The following DMD variants were observed in gnomAD, a reference collection of about 807,000 sequenced individuals.
DMD encodes mutant dystrophin.
A neutral mutation model predicts 330.1 loss-of-function variants in DMD; 63 were observed. The observed-to-expected ratio is 0.19, with a 90% CI of 0.16 to 0.24. The LOEUF (loss-of-function observed/expected upper bound fraction) is 0.24, where lower values mean the gene tolerates loss of function less well. Among genes scored for constraint, DMD ranks in the 10% least tolerant of loss-of-function variants. The probability of loss-of-function intolerance (pLI) is 1.00; values close to 1 mark genes in which losing one functional copy is unlikely to be tolerated. For missense variants in DMD, 3,344 were observed against 2,684.1 expected (o/e 1.25, Z -5.43); for synonymous variants, 1,223 against 959.8 (o/e 1.27, Z -5.07).
At chrX:32,900,372 C>T (rs2086128477) in intron 2 of DMD, among the ~76,000 whole-genome samples, 1 of 111,431 alleles carries the variant, frequency 9.0e-6, no homozygotes, top group Non-Finnish European at 1.9e-5. Flanking sequence ...GAAGGGCCCT[C>T]ACTCTGTTTC....
At chrX:32,789,459 A>C (rs2075654861) in intron 7 of DMD, among the ~76,000 whole-genome samples, 1 of 112,140 alleles carries the variant, frequency 8.9e-6, no homozygotes, top group Non-Finnish European at 1.9e-5. Context: ...ACTCTCACTT[A>C]CTGAGCTTCT....
At chrX:32,838,295 G>A (rs2079838515) in intron 4 of DMD, among the ~76,000 whole-genome samples, 1 of 110,793 alleles carries the variant, frequency 9.0e-6, no homozygotes, top group African/African-American at 3.3e-5. Flanking sequence ...TGGGGTACAT[G>A]TGCAGGTTTG....
chrX:32,747,939 A>C (rs2070272132), intron 7 of DMD, among the ~76,000 whole-genome samples: 1 of 112,248 alleles, frequency 8.9e-6, no homozygotes, highest in Admixed American at 9.5e-5. Flanking sequence ...ACTTTTAATA[A>C]TAGTAAAAAA....
At chrX:31,791,007 C>T (rs1156870809) in intron 50 of DMD, among the ~76,000 whole-genome samples, 2 of 111,805 alleles carry the variant, frequency 1.8e-5, no homozygotes, top group Non-Finnish European at 3.8e-5. Context: ...TAATGCATCA[C>T]TCCTTTGATT....
intron 1 of DMD, among the ~76,000 whole-genome samples, chrX:33,152,528 A>T (rs952471792): frequency 1.9e-5 from 2 of 106,773 alleles, no homozygotes; most frequent in Non-Finnish European, 2.0e-5. Flanking sequence ...CCACACACGG[A>T]GTTTGTGATT....
chrX:32,313,784 A>T (rs968259803), intron 41 of DMD, among the ~76,000 whole-genome samples: 28 of 111,371 alleles, frequency 2.5e-4, no homozygotes, highest in Middle Eastern at 4.6e-3. Context: ...TAATGAGAGA[A>T]CTCCCATTAA....
chrX:33,314,577 T>G (rs778167582), intron 1 of DMD, among the ~76,000 whole-genome samples: 8 of 99,780 alleles, frequency 8.0e-5, no homozygotes, highest in African/African-American at 3.0e-4. Flanking sequence ...TTTGTTTTTT[T>G]TTTTTTTTTT....
intron 57 of DMD, among the ~76,000 whole-genome samples, chrX:31,491,470 T>C (rs1287934199): frequency 8.9e-6 from 1 of 112,358 alleles, no homozygotes; most frequent in African/African-American, 3.2e-5. Flanking sequence ...AGGCAAGTAA[T>C]GAGGAACTGT....
intron 58 of DMD, 90 bp from the exon 59 acceptor site, chrX:31,478,464 G>A: frequency 8.7e-7 from 1 of 1,143,644 alleles, no homozygotes; most frequent in African/African-American, 1.8e-5. Flanking sequence ...AAAGAGTACA[G>A]TTGAACAAGA....
intron 44 of DMD, among the ~76,000 whole-genome samples, chrX:32,078,766 TC>T (rs2096371259): frequency 8.9e-6 from 1 of 111,951 alleles, no homozygotes; most frequent in Non-Finnish European, 1.9e-5. Context: ...CAAGTAAGAA[TC>T]AATATAAGCA....
At chrX:31,339,724 T>TGC (rs2057617025) in intron 61 of DMD, among the ~76,000 whole-genome samples, 1 of 111,421 alleles carries the variant, frequency 9.0e-6, no homozygotes, top group South Asian at 3.8e-4. Context: ...TACAGATGCA[T>TGC]GCCACCACGC....
At chrX:31,969,269 A>G (rs1233442322) in intron 44 of DMD, among the ~76,000 whole-genome samples, 3 of 111,923 alleles carry the variant, frequency 2.7e-5, no homozygotes, top group African/African-American at 9.7e-5. Flanking sequence ...AGAATATTAC[A>G]ACCAAGTACA....
intron 60 of DMD, among the ~76,000 whole-genome samples, chrX:31,350,628 TGTGTGAGAGAGAGAGA>T (rs1457060738): frequency 1.7e-4 from 9 of 52,684 alleles, no homozygotes; most frequent in African/African-American, 6.5e-4. Flanking sequence ...TGTGTGTGTG[TGTGTGAGAGAGAGAGA>T]GAGAGAGAGA....
In DMD at chrX:32,468,721, AT is replaced by A. The variant is rs766869811; in HGVS notation, c.2950-12del. 89 of 1,172,315 alleles carry A rather than the reference AT, an allele frequency of 7.6e-5. No individual in the cohort carries two copies. The East Asian group carries it at 1.8e-3, about 23-fold the overall frequency. The stretch of plus-strand genomic sequence containing the variant: ...AGAACTTTGTAAAGCCTAAAAAACA[AT>A]TTTTTAAATACATTTACCCTAATTG... On this transcript the variant is annotated splice_polypyrimidine_tract_variant and intron_variant, in intron 22 of 78. Coordinates refer to ENST00000357033, the MANE Select transcript of DMD (RefSeq NM_004006.3).
At chrX:31,178,158 G>A in intron 70 of DMD, 188 bp from the exon 71 acceptor site, 1 of 751,372 alleles carries the variant, frequency 1.3e-6, no homozygotes, top group African/African-American at 2.3e-5. Context: ...CAGAGTTAAG[G>A]CAAAAAAGAG....
At chrX:32,164,822 G>A (rs1451733306) in intron 44 of DMD, among the ~76,000 whole-genome samples, 3 of 110,690 alleles carry the variant, frequency 2.7e-5, no homozygotes, top group South Asian at 3.9e-4. Flanking sequence ...CACTGTGTGC[G>A]GCATCAGGAC....
intron 7 of DMD, among the ~76,000 whole-genome samples, chrX:32,730,892 G>A (rs147445664): frequency 0.016 from 1,772 of 111,688 alleles, 43 homozygotes; most frequent in African/African-American, 0.054. Flanking sequence ...TCAGAAATCT[G>A]ATTTGAGAGG....
intron 9 of DMD, among the ~76,000 whole-genome samples, chrX:32,688,912 T>C (rs1168691882): frequency 1.8e-5 from 2 of 110,413 alleles, no homozygotes; most frequent in Admixed American, 9.7e-5. Context: ...TTATCACTTA[T>C]ATGTCAAGAA....
rs918535867 is a variant in DMD at position 31,330,447 on chromosome X, T to A, written c.9164-6789A>T. ...ATGTATTTGATCCCACGATCACTGG[T>A]GACCTCAAAAGGGCAATTTCACACT... On this transcript the variant is annotated intron_variant, in intron 61 of 78. Coordinates refer to ENST00000357033, the MANE Select transcript of DMD (RefSeq NM_004006.3). 5.4e-5 allele frequency among the ~76,000 whole-genome samples: 6 copies of A among 111,633 alleles called. No homozygotes were observed. In the Admixed American group the frequency reaches 5.7e-4, roughly 11 times the overall value.
Sources: allele counts gnomAD v4.1 joint callset (sites outside exome capture counted in the v4.1 genomes callset), GRCh38; gene constraint gnomAD v4.1.1; transcripts MANE v1.5; gene names NCBI Gene and HGNC (gene_info 2026-07-23, HGNC 2026-07-21).